Variants in NTN5 observed in about 807,000 individuals in gnomAD.
The protein encoded by NTN5 is netrin-5.
Under a neutral mutation model 38.7 loss-of-function variants are expected in NTN5, and 42 were observed. The ratio of observed to expected loss-of-function variants is 1.08; its 90% CI spans 0.85 to 1.40. The LOEUF (loss-of-function observed/expected upper bound fraction) is 1.40. NTN5 is among the 40% of genes most tolerant of loss of function. The pLI, the probability that NTN5 is intolerant of heterozygous loss-of-function variation, is 0.00. For synonymous variants in NTN5, 329 were observed against 303.9 expected (o/e 1.08, Z -0.86); for missense variants, 658 against 716.5 (o/e 0.92, Z 0.93).
At position 48,664,634 on chromosome 19, in the gene NTN5, T is replaced by C. The variant is rs770975532; in HGVS notation, c.765A>G (p.Gln255=). ...GGCTAGGGTCCCTCCAGAACCCAGG[T>C]TGGCAGTAGTGGCAGTGCCGCCCAG... ...HTAGRHCHYC[Q]PGFWRDPSQP... is the part of the protein sequence containing the mutation. Residue 255 remains glutamine (Q), a synonymous_variant, in exon 3 of 7, where the codon CAA becomes CAG. Coordinates refer to ENST00000270235, the MANE Select transcript of NTN5 (RefSeq NM_145807.4). 5.0e-6 allele frequency: 8 copies of C among 1,613,544 alleles called. No homozygotes were observed. The highest frequency in any genetic ancestry group is 4.0e-5 in the African/African-American group (3 of 74,940).
intron 5 of NTN5, 95 bp from the exon 6 acceptor site, chr19:48,663,638 T>C (rs2031609220): frequency 6.6e-7 from 1 of 1,517,066 alleles, no homozygotes; most frequent in South Asian, 1.1e-5. Flanking sequence ...GATGGCCAGC[T>C]GGGGTACCCA....
At position 48,662,054 on chromosome 19, in the gene NTN5, G is replaced by A. The variant is rs763506419; in HGVS notation, c.1106-13C>T. ...TGCGCGCGGAGAACTGTGGGGAGGGGAGATGTCAGCCCAGGTCGTGGGGAG... is the reference window on the plus strand; with the variant it reads ...TGCGCGCGGAGAACTGTGGGGAGGGAAGATGTCAGCCCAGGTCGTGGGGAG... On this transcript the variant is annotated splice_polypyrimidine_tract_variant and intron_variant, in intron 6 of 6. Coordinates refer to ENST00000270235, the MANE Select transcript of NTN5 (RefSeq NM_145807.4). 8 of 1,454,098 alleles carry A rather than the reference G, an allele frequency of 5.5e-6. No individual in the cohort carries two copies. In the African/African-American group the frequency reaches 8.9e-5, roughly 16 times the overall value. The allele number at this position is 1,454,098 out of a possible 1,614,324, so 90.1% of individuals were successfully genotyped here.
chr19:48,672,453 C>T (rs2031985957), intron 1 of NTN5, among the ~76,000 whole-genome samples: 1 of 152,150 alleles, frequency 6.6e-6, no homozygotes, highest in Non-Finnish European at 1.5e-5. Context: ...CACACCTGCC[C>T]CAGCCTGGCC....
In NTN5 at chr19:48,663,555, C is replaced by G; in HGVS notation, c.1025-12G>C. On this transcript the variant is annotated splice_polypyrimidine_tract_variant and intron_variant, in intron 5 of 6. Coordinates refer to ENST00000270235, the MANE Select transcript of NTN5 (RefSeq NM_145807.4). ...TTGACACTGAGGGTCTGGGGAGGGT[C>G]AGGCTGTCTGCAGTGGGCTCCTGGG... 1.2e-6 allele frequency: 2 copies of G among 1,613,832 alleles called. No individual in the cohort carries two copies. The highest frequency in any genetic ancestry group is 1.7e-6 in the Non-Finnish European group (2 of 1,179,730).
Position 48,670,679 on chromosome 19 carries a change from C to CT in NTN5, c.307dup (p.Arg103LysfsTer17). The CT allele has an allele frequency of 1.2e-6, 2 of 1,609,418 alleles. No homozygotes were observed. Among genetic ancestry groups the CT allele is most frequent in the Non-Finnish European group, 1.7e-6 (2 of 1,178,502 alleles). On this transcript the variant is annotated frameshift_variant, in exon 2 of 7. Coordinates refer to ENST00000270235, the MANE Select transcript of NTN5 (RefSeq NM_145807.4). LOFTEE classifies it high-confidence loss of function. ...CCAGGCGGGCCTGTGCCACAGCAGC[C>CT]TCCAGGGACCCCCTGAGGCCCAGGC...
chr19:48,665,015 C>T (rs902652669), intron 2 of NTN5, among the ~76,000 whole-genome samples: 3 of 151,770 alleles, frequency 2.0e-5, no homozygotes, highest in Non-Finnish European at 2.9e-5. Context: ...CAGGTTCAAG[C>T]GATTCTCCTG....
chr19:48,663,507 G>C lies in NTN5; in HGVS notation c.1061C>G (p.Thr354Ser), dbSNP rs371224868. The C allele has an allele frequency of 4.9e-5, 79 of 1,614,196 alleles. No homozygotes were observed. The highest frequency in any genetic ancestry group is 5.7e-5 in the Non-Finnish European group (67 of 1,180,030). Residue 354 changes from threonine (T) to serine (S), a missense_variant, in exon 6 of 7, where the codon ACC becomes AGC. Thr to Ser is a moderately conservative substitution (Grantham distance 58). Coordinates refer to ENST00000270235, the MANE Select transcript of NTN5 (RefSeq NM_145807.4). ...CCTCCGAAGGCTCATGTGTACCCTGGTGTCCGACATATTGCAGTAGTTTTG... is the reference window on the plus strand; with the variant it reads ...CCTCCGAAGGCTCATGTGTACCCTGCTGTCCGACATATTGCAGTAGTTTTG... Reference protein sequence around the residue: ...QCQNYCNMSDTRVHMSLRRYC... With the variant: ...QCQNYCNMSDSRVHMSLRRYC...
rs180854616 is a variant in NTN5 at position 48,670,345 on chromosome 19, G to A, written c.631+11C>T. The A allele has an allele frequency of 1.0e-4, 143 of 1,403,504 alleles. No individual in the cohort carries two copies. Among genetic ancestry groups the A allele is most frequent in the African/African-American group, 2.3e-4 (15 of 65,568 alleles). The allele number at this position is 1,403,504 out of a possible 1,614,324, so 86.9% of individuals were successfully genotyped here. On this transcript the variant is annotated intron_variant, in intron 2 of 6. Coordinates refer to ENST00000270235, the MANE Select transcript of NTN5 (RefSeq NM_145807.4). ...GGCAAAGGCAGGGAGAGTGAGGGGC[G>A]CAGGACTCACGTAGGCAAGGGTGGG... is the stretch of plus-strand genomic sequence containing the variant.
At chr19:48,666,655 T>TA (rs1396909792) in intron 2 of NTN5, among the ~76,000 whole-genome samples, 1 of 150,594 alleles carries the variant, frequency 6.6e-6, no homozygotes, top group East Asian at 2.0e-4. Context: ...GAGATGCTGA[T>TA]ACAGGGGGTT....
At chr19:48,669,727 C>T (rs1286358437) in intron 2 of NTN5, among the ~76,000 whole-genome samples, 9 of 114,702 alleles carry the variant, frequency 7.8e-5, no homozygotes, top group Non-Finnish European at 1.3e-4. Flanking sequence ...ACCACCACCA[C>T]CACCATCACC....
At chr19:48,668,196 TCAGGG>T (rs941730186) in intron 2 of NTN5, among the ~76,000 whole-genome samples, 5 of 152,126 alleles carry the variant, frequency 3.3e-5, no homozygotes, top group Non-Finnish European at 7.4e-5. Context: ...ATCTAGGAAC[TCAGGG>T]CTCCCTGGGT....
chr19:48,669,685 T>TCACCACCATCAC (rs2031861774), intron 2 of NTN5, among the ~76,000 whole-genome samples: 4 of 50,142 alleles, frequency 8.0e-5, no homozygotes, highest in Non-Finnish European at 1.2e-4. Flanking sequence ...ATCACCACCA[T>TCACCACCATCAC]CACCACCACC....
intron 4 of NTN5, 98 bp from the exon 5 acceptor site, chr19:48,663,912 A>G: frequency 1.5e-6 from 2 of 1,300,404 alleles, no homozygotes; most frequent in Non-Finnish European, 2.2e-6. Context: ...TTAAGTGTTT[A>G]TTCCTTTAGG....
At chr19:48,667,318 C>T (rs1003531820) in intron 2 of NTN5, 8 of 319,396 alleles carry the variant, frequency 2.5e-5, no homozygotes, top group Non-Finnish European at 4.0e-5. Context: ...TGACCTTTCT[C>T]CACTGCAGCA....
chr19:48,662,001 C>G lies in NTN5; in HGVS notation c.1146G>C (p.Pro382=), dbSNP rs553841906. Residue 382 remains proline, a synonymous_variant, in exon 7 of 7, where the codon CCG becomes CCC. Transcript: ENST00000270235. ...AQVLASEAAG[P]AWQRLAVRVL... ...CGCGCACGGCCAGCCGCTGCCATGC[C>G]GGGCCCGCCGCCTCGGACGCTAGCA... 331 of 1,487,876 alleles carry G rather than the reference C, an allele frequency of 2.2e-4. 2 individuals carry two copies. In the African/African-American group the frequency reaches 4.3e-3, roughly 19 times the overall value. 92.2% of individuals were successfully genotyped at this position (1,487,876 alleles called of 1,614,324 possible). A position where few individuals can be genotyped will look rare whatever the true frequency, so the allele number is the denominator to read the frequency against.
chr19:48,665,123 C>T (rs577146970), intron 2 of NTN5, among the ~76,000 whole-genome samples: 7 of 151,162 alleles, frequency 4.6e-5, no homozygotes, highest in East Asian at 2.0e-4. Flanking sequence ...GGGGTTTCAC[C>T]GTGTTAGCCA....
intron 3 of NTN5, 32 bp from the exon 4 acceptor site, chr19:48,664,324 T>C: frequency 6.2e-7 from 1 of 1,601,360 alleles, no homozygotes; most frequent in Non-Finnish European, 8.5e-7. Flanking sequence ...GGGCATGGGG[T>C]ATCAGGGCCC....
At chr19:48,668,890 C>T (rs1188983439) in intron 2 of NTN5, among the ~76,000 whole-genome samples, 2 of 151,876 alleles carry the variant, frequency 1.3e-5, no homozygotes, top group Admixed American at 1.3e-4. Flanking sequence ...GTACCTGCAT[C>T]CAGCCAGGCC....
intron 2 of NTN5, chr19:48,667,493 G>T: frequency 4.2e-6 from 1 of 237,390 alleles, no homozygotes; most frequent in South Asian, 3.4e-5. Context: ...CCCCTGCTTA[G>T]GTAAAAGATT....
Sources: gnomAD v4.1 joint callset for allele counts (sites outside exome capture counted in the v4.1 genomes callset) on GRCh38, gnomAD v4.1.1 for gene constraint, MANE v1.5 for transcripts, NCBI Gene and HGNC (gene_info 2026-07-23, HGNC 2026-07-21) for gene names.